SH3RF3: variants seen among roughly 807,000 people sequenced by gnomAD.
SH3RF3 encodes the protein SH3 domain containing ring finger 3, also known as E3 ubiquitin-protein ligase SH3RF3.
SH3RF3 carries 29 observed loss-of-function variants against 66.3 expected under a neutral mutation model. The observed-to-expected ratio is 0.44, with a 90% CI of 0.33 to 0.60. The LOEUF (loss-of-function observed/expected upper bound fraction) is 0.60, where lower values mean the gene tolerates loss of function less well. SH3RF3 is among the 20% of genes least tolerant of loss of function. The pLI is 0.04. For synonymous variants in SH3RF3, 583 were observed against 532.0 expected (o/e 1.10, Z -1.32); for missense variants, 1,194 against 1,190.9 (o/e 1.00, Z -0.04).
Position 109,296,132 on chromosome 2 carries a change from C to T in SH3RF3, c.574-51542C>T, listed in dbSNP as rs988065996. ...CCATTCACTGTTCTCTACGTCTGTG[C>T]GCAGCCCCCAACCCCGCCCATGTCA... On this transcript the variant is annotated intron_variant, in intron 1 of 9. Coordinates refer to ENST00000309415, the MANE Select transcript of SH3RF3 (RefSeq NM_001099289.3). Among the ~76,000 whole-genome samples the T allele has an allele frequency of 3.9e-5, 6 of 152,240 alleles. No homozygotes were observed. The East Asian group carries it at 7.7e-4, about 20-fold the overall frequency.
At chr2:109,203,665 C>T (rs949519035) in intron 1 of SH3RF3, among the ~76,000 whole-genome samples, 3 of 152,064 alleles carry the variant, frequency 2.0e-5, no homozygotes, top group Non-Finnish European at 4.4e-5. Context: ...GTGTCCTGGC[C>T]CTGTGTCTCT....
rs568593502 is a variant in SH3RF3 at position 109,204,424 on chromosome 2, T to TA, written c.573+74316dup. Among the ~76,000 whole-genome samples the TA allele has an allele frequency of 3.3e-4, 50 of 152,378 alleles. 1 individual carries two copies. The South Asian group carries it at 0.01, about 32-fold the overall frequency. On this transcript the variant is annotated intron_variant, in intron 1 of 9. Transcript: ENST00000309415. The stretch of plus-strand genomic sequence containing the variant: ...CATTCAGGTTTTCCTGATTGTCCCT[T>TA]AAAAATCTGCTGTAGTTTTTGTTAA...
chr2:109,331,781 G>T (rs1272687289), intron 1 of SH3RF3, among the ~76,000 whole-genome samples: 1 of 152,200 alleles, frequency 6.6e-6, no homozygotes, highest in East Asian at 1.9e-4. Context: ...CTGATTGAAT[G>T]AATATAATAT....
intron 2 of SH3RF3, among the ~76,000 whole-genome samples, chr2:109,360,729 A>G (rs964688624): frequency 1.1e-4 from 17 of 152,212 alleles, no homozygotes; most frequent in African/African-American, 3.6e-4. Flanking sequence ...TGGTTCTTTC[A>G]GATTTTCTAA....
chr2:109,411,431 G>A (rs923461386), intron 4 of SH3RF3, among the ~76,000 whole-genome samples: 1 of 152,168 alleles, frequency 6.6e-6, no homozygotes, highest in African/African-American at 2.4e-5. Context: ...TGGGCCTGTG[G>A]CCCCCAGTAG....
chr2:109,413,856 C>A (rs1484558638), intron 4 of SH3RF3, among the ~76,000 whole-genome samples: 6 of 152,226 alleles, frequency 3.9e-5, no homozygotes, highest in African/African-American at 9.6e-5. Flanking sequence ...AGGGAGCACA[C>A]TGGGGTCTTC....
intron 1 of SH3RF3, among the ~76,000 whole-genome samples, chr2:109,180,658 CTCTT>C (rs1678053631): frequency 6.6e-6 from 1 of 152,068 alleles, no homozygotes; most frequent in Non-Finnish European, 1.5e-5. Flanking sequence ...TTGCTTGGCT[CTCTT>C]TGTCTGATGT....
At chr2:109,501,436 A>G in intron 9 of SH3RF3, 67 bp from the exon 10 acceptor site, 1 of 686,114 alleles carries the variant, frequency 1.5e-6, no homozygotes, top group South Asian at 1.6e-5. Flanking sequence ...CGAGGGAAGA[A>G]GAGAAAGCAC....
intron 1 of SH3RF3, among the ~76,000 whole-genome samples, chr2:109,206,130 G>A (rs1678803835): frequency 6.6e-6 from 1 of 152,110 alleles, no homozygotes; most frequent in Non-Finnish European, 1.5e-5. Flanking sequence ...TCTCTCCCTG[G>A]AGGTTTTGCT....
chr2:109,499,815 G>T (rs1679343719), intron 9 of SH3RF3, among the ~76,000 whole-genome samples: 1 of 152,206 alleles, frequency 6.6e-6, no homozygotes, highest in Admixed American at 6.5e-5. Context: ...CCGGACACTA[G>T]TGAAAGTAGT....
intron 2 of SH3RF3, among the ~76,000 whole-genome samples, chr2:109,353,688 C>A (rs535034044): frequency 6.6e-6 from 1 of 151,602 alleles, no homozygotes. Flanking sequence ...CCCTAGACTG[C>A]GTGCCCAATG....
intron 5 of SH3RF3, among the ~76,000 whole-genome samples, chr2:109,426,865 T>C (rs2104547733): frequency 6.6e-6 from 1 of 152,182 alleles, no homozygotes; most frequent in South Asian, 2.1e-4. Context: ...CCACCCTGAG[T>C]AGTCAGCAAC....
chr2:109,378,538 G>C (rs372565961), intron 3 of SH3RF3, among the ~76,000 whole-genome samples: 66 of 152,156 alleles, frequency 4.3e-4, no homozygotes, highest in African/African-American at 1.5e-3. Context: ...ATTTTCAGCT[G>C]GTTACTGACT....
intron 1 of SH3RF3, among the ~76,000 whole-genome samples, chr2:109,287,589 A>C (rs1681057516): frequency 6.6e-6 from 1 of 152,116 alleles, no homozygotes. Flanking sequence ...CATCATCTGC[A>C]CTATATACCC....
chr2:109,266,366 G>A (rs1324369579), intron 1 of SH3RF3, among the ~76,000 whole-genome samples: 1 of 151,840 alleles, frequency 6.6e-6, no homozygotes, highest in Non-Finnish European at 1.5e-5. Flanking sequence ...GATCCACTCT[G>A]CATCTGACAA....
chr2:109,446,993 A>T (rs1677723944), intron 7 of SH3RF3, among the ~76,000 whole-genome samples: 1 of 151,838 alleles, frequency 6.6e-6, no homozygotes, highest in African/African-American at 2.4e-5. Context: ...AATCTCGAGG[A>T]GCGGCCTCTG....
At position 109,328,557 on chromosome 2, in the gene SH3RF3, C is replaced by CT. The variant is rs1682207973; in HGVS notation, c.574-19116dup. 2.0e-5 allele frequency among the ~76,000 whole-genome samples: 3 copies of CT among 152,222 alleles called. 1 individual carries two copies. The South Asian group carries it at 6.2e-4, about 32-fold the overall frequency. On this transcript the variant is annotated intron_variant, in intron 1 of 9. Coordinates refer to ENST00000309415, the MANE Select transcript of SH3RF3 (RefSeq NM_001099289.3). ...ACTTTCTAGGTGGGGCTGTGAGCCT[C>CT]TGATTTCGACAGTGCATTCAGAATC...
intron 1 of SH3RF3, among the ~76,000 whole-genome samples, chr2:109,338,278 A>AC (rs1343249815): frequency 3.3e-5 from 5 of 152,192 alleles, no homozygotes. Flanking sequence ...TTTTGCAGGT[A>AC]CGGAAACTGA....
intron 1 of SH3RF3, among the ~76,000 whole-genome samples, chr2:109,254,063 G>T (rs1680159583): frequency 6.6e-6 from 1 of 152,002 alleles, no homozygotes. Flanking sequence ...GTCTTGAAGG[G>T]GTGCTTTTTC....
Sources: allele counts gnomAD v4.1 joint callset (sites outside exome capture counted in the v4.1 genomes callset), GRCh38; gene constraint gnomAD v4.1.1; transcripts MANE v1.5; gene names NCBI Gene and HGNC (gene_info 2026-07-23, HGNC 2026-07-21).